The following SLC35F4 variants were observed in gnomAD, a reference collection of about 807,000 sequenced individuals.
The protein encoded by SLC35F4 is chromosome 14 open reading frame 36.
In SLC35F4, 24 loss-of-function variants were observed where a neutral mutation model predicts 44.2. The ratio of observed to expected loss-of-function variants is 0.54; its 90% CI spans 0.39 to 0.76. SLC35F4 has a LOEUF of 0.76. Among genes scored for constraint, SLC35F4 ranks in the 30% least tolerant of loss-of-function variants. The pLI is 0.00. For synonymous variants in SLC35F4, 238 were observed against 223.6 expected (o/e 1.06, Z -0.57); for missense variants, 562 against 586.1 (o/e 0.96, Z 0.42).
At chr14:57,673,002 A>C (rs1403998430) in intron 1 of SLC35F4, among the ~76,000 whole-genome samples, 1 of 152,118 alleles carries the variant, frequency 6.6e-6, no homozygotes, top group African/African-American at 2.4e-5. Context: ...AATTTGCCAT[A>C]ATTAGTCCTC....
downstream of SLC35F4, among the ~76,000 whole-genome samples, chr14:57,974,907 C>G (rs1016891048): frequency 1.3e-5 from 2 of 152,164 alleles, no homozygotes; most frequent in Admixed American, 1.3e-4. Flanking sequence ...CTAACCCTAG[C>G]TAGGCATCAA....
chr14:57,967,215 C>A (rs547271938), intron 1 of SLC35F4, among the ~76,000 whole-genome samples: 2 of 152,056 alleles, frequency 1.3e-5, no homozygotes, highest in African/African-American at 4.8e-5. Flanking sequence ...TGAAAGAAGA[C>A]AATTTTAAGG....
intron 1 of SLC35F4, among the ~76,000 whole-genome samples, chr14:57,783,528 C>T (rs577078403): frequency 3.3e-5 from 5 of 152,280 alleles, no homozygotes; most frequent in African/African-American, 9.6e-5. Context: ...CAGGACACCC[C>T]TTATCAATAA....
chr14:57,855,863 A>G (rs1465719753), intron 1 of SLC35F4, among the ~76,000 whole-genome samples: 2 of 152,228 alleles, frequency 1.3e-5, no homozygotes, highest in South Asian at 4.1e-4. Context: ...GCAGCCATCA[A>G]AAAGGATGAG....
chr14:57,719,687 T>C (rs1288884699), intron 1 of SLC35F4, among the ~76,000 whole-genome samples: 2 of 152,176 alleles, frequency 1.3e-5, no homozygotes, highest in Non-Finnish European at 2.9e-5. Flanking sequence ...ACTGAATTTA[T>C]TGATCAGTTC....
chr14:57,975,867 G>T (rs370622991), downstream of SLC35F4, among the ~76,000 whole-genome samples: 15 of 152,184 alleles, frequency 9.9e-5, no homozygotes, highest in East Asian at 2.7e-3. Flanking sequence ...GTGCATAATT[G>T]TCAGAGGCAA....
intron 1 of SLC35F4, among the ~76,000 whole-genome samples, chr14:57,616,431 G>A (rs989204895): frequency 6.6e-6 from 1 of 152,186 alleles, no homozygotes; most frequent in African/African-American, 2.4e-5. Context: ...TCAAAGTTGT[G>A]AATGTTTGAA....
At chr14:57,895,008 G>T (rs1429474492) in intron 1 of SLC35F4, among the ~76,000 whole-genome samples, 1 of 152,152 alleles carries the variant, frequency 6.6e-6, no homozygotes, top group African/African-American at 2.4e-5. Context: ...AAACCAAAGA[G>T]TATGCATTGA....
At chr14:57,815,653 A>T (rs573180652) in intron 1 of SLC35F4, among the ~76,000 whole-genome samples, 22 of 152,218 alleles carry the variant, frequency 1.4e-4, no homozygotes, top group African/African-American at 4.3e-4. Context: ...GGCAGAATTT[A>T]CTTAAGGATG....
intron 1 of SLC35F4, among the ~76,000 whole-genome samples, chr14:57,882,787 AT>A (rs957548598): frequency 9.3e-5 from 14 of 151,320 alleles, no homozygotes; most frequent in African/African-American, 2.9e-4. Context: ...TGACAGATTA[AT>A]TTTTTTTTGC....
intron 1 of SLC35F4, among the ~76,000 whole-genome samples, chr14:57,705,051 G>A (rs1458824120): frequency 6.6e-6 from 1 of 152,116 alleles, no homozygotes; most frequent in Admixed American, 6.6e-5. Context: ...GTATAGTTCT[G>A]CATTGGCTAC....
chr14:57,672,230 G>A (rs997678833), intron 1 of SLC35F4, among the ~76,000 whole-genome samples: 1 of 151,986 alleles, frequency 6.6e-6, no homozygotes, highest in African/African-American at 2.4e-5. Context: ...GTCACCCCTT[G>A]TATCACCTTG....
intron 1 of SLC35F4, among the ~76,000 whole-genome samples, chr14:57,913,296 T>C (rs1161637090): frequency 6.6e-6 from 1 of 152,126 alleles, no homozygotes; most frequent in African/African-American, 2.4e-5. Context: ...GATTAACATC[T>C]ACCATATTTG....
chr14:57,775,165 C>T (rs1402791792), intron 1 of SLC35F4, among the ~76,000 whole-genome samples: 1 of 152,248 alleles, frequency 6.6e-6, no homozygotes, highest in Non-Finnish European at 1.5e-5. Flanking sequence ...CACCAGTGCA[C>T]ATGTGCACAC....
Position 57,778,841 on chromosome 14 carries a change from T to C in SLC35F4, c.103+86882A>G, listed in dbSNP as rs73291854. Among the ~76,000 whole-genome samples, 1,029 of 152,084 alleles carry C rather than the reference T, an allele frequency of 6.8e-3. 14 individuals are homozygous for C. The highest frequency in any genetic ancestry group is 0.023 in the African/African-American group (966 of 41,488). On this transcript the variant is annotated intron_variant, in intron 1 of 7. Transcript: ENST00000556826. ...AATCACTTGTAACCATACAATTACA[T>C]GGAAATTAAATAAACTGCTCCTGAA... is the stretch of plus-strand genomic sequence containing the variant.
Position 57,648,238 on chromosome 14 carries a change from T to C in SLC35F4, c.104-54114A>G, listed in dbSNP as rs185269725. Among the ~76,000 whole-genome samples the C allele has an allele frequency of 6.2e-4, 94 of 152,284 alleles. 2 individuals are homozygous for C. The East Asian group carries it at 0.018, about 28-fold the overall frequency. ...TCATTCTTGATGGCACAGAGGATGT[T>C]ATAGCATGGAAAATATGGACCTCAA... On this transcript the variant is annotated intron_variant, in intron 1 of 7. Coordinates refer to ENST00000556826, the MANE Select transcript of SLC35F4 (RefSeq NM_001306087.2).
At chr14:57,695,036 C>T (rs2075341435) in intron 1 of SLC35F4, among the ~76,000 whole-genome samples, 1 of 152,106 alleles carries the variant, frequency 6.6e-6, no homozygotes, top group Admixed American at 6.6e-5. Context: ...GGATTAAAGA[C>T]TTAAATGTTA....
At chr14:57,965,242 C>G (rs893832241) in intron 1 of SLC35F4, among the ~76,000 whole-genome samples, 1 of 152,190 alleles carries the variant, frequency 6.6e-6, no homozygotes, top group African/African-American at 2.4e-5. Context: ...TTCCAGCAGC[C>G]AGCACTCCTT....
intron 1 of SLC35F4, among the ~76,000 whole-genome samples, chr14:57,617,456 A>G (rs902067783): frequency 6.6e-6 from 1 of 152,162 alleles, no homozygotes; most frequent in Non-Finnish European, 1.5e-5. Context: ...TAAAAAGAAA[A>G]AAAAATGACA....
Sources: gnomAD v4.1 joint callset for allele counts (sites outside exome capture counted in the v4.1 genomes callset) on GRCh38, gnomAD v4.1.1 for gene constraint, MANE v1.5 for transcripts, NCBI Gene and HGNC (gene_info 2026-07-23, HGNC 2026-07-21) for gene names.